The following KHDRBS2 variants were observed in gnomAD, a reference collection of about 807,000 sequenced individuals.
The protein encoded by KHDRBS2 is KH domain-containing, RNA-binding, signal transduction-associated protein 2.
In KHDRBS2, 26 loss-of-function variants were observed where a neutral mutation model predicts 44.3. That is an observed-to-expected ratio of 0.59 (90% CI 0.43 to 0.81). KHDRBS2 has a LOEUF of 0.81. Among genes scored for constraint, KHDRBS2 ranks in the 40% least tolerant of loss-of-function variants. KHDRBS2 has a pLI of 0.00. For missense variants in KHDRBS2, 476 were observed against 433.1 expected (o/e 1.10, Z -0.88); for synonymous variants, 194 against 151.1 (o/e 1.28, Z -2.08).
chr6:62,035,295 A>G (rs1203869819), intron 3 of KHDRBS2, among the ~76,000 whole-genome samples: 2 of 152,022 alleles, frequency 1.3e-5, no homozygotes. Flanking sequence ...TACACAATGG[A>G]GTACTATTCA....
At chr6:62,269,071 C>T (rs2150187049) in intron 1 of KHDRBS2, among the ~76,000 whole-genome samples, 1 of 152,048 alleles carries the variant, frequency 6.6e-6, no homozygotes, top group Non-Finnish European at 1.5e-5. Flanking sequence ...AATACTTTGA[C>T]TATCTTGACA....
intron 2 of KHDRBS2, among the ~76,000 whole-genome samples, chr6:62,152,457 A>G (rs1407757937): frequency 6.6e-6 from 1 of 152,214 alleles, no homozygotes; most frequent in African/African-American, 2.4e-5. Context: ...GCACATTAAG[A>G]CAAATGGGAT....
intron 1 of KHDRBS2, among the ~76,000 whole-genome samples, chr6:62,192,191 AT>A (rs1395040342): frequency 6.6e-6 from 1 of 152,050 alleles, no homozygotes; most frequent in African/African-American, 2.4e-5. Flanking sequence ...AATAAATCTG[AT>A]TTTTTAAATG....
At chr6:61,604,623 C>T in the KHDRBS2 span, among the ~76,000 whole-genome samples, 3 of 152,196 alleles carry the variant, frequency 2.0e-5, no homozygotes, top group African/African-American at 7.2e-5. Context: ...AAGGAAATCA[C>T]TTCTCAGTGT....
chr6:61,561,419 C>A, the KHDRBS2 span, among the ~76,000 whole-genome samples: 17 of 152,170 alleles, frequency 1.1e-4, no homozygotes, highest in Admixed American at 5.2e-4. Flanking sequence ...ATCAGTAGGT[C>A]CTTCTACGAA....
intron 8 of KHDRBS2, among the ~76,000 whole-genome samples, chr6:61,682,583 C>A (rs1322871022): frequency 2.0e-5 from 3 of 151,790 alleles, no homozygotes; most frequent in African/African-American, 7.3e-5. Context: ...TTGCTGCTTT[C>A]ACGATACAAA....
chr6:61,577,521 TTA>T, the KHDRBS2 span, among the ~76,000 whole-genome samples: 1 of 152,152 alleles, frequency 6.6e-6, no homozygotes, highest in Non-Finnish European at 1.5e-5. Context: ...AAAGAAAATA[TTA>T]ATATGTTGCT....
the KHDRBS2 span, among the ~76,000 whole-genome samples, chr6:61,642,179 G>A: frequency 4.6e-5 from 7 of 151,940 alleles, no homozygotes; most frequent in South Asian, 4.2e-4. Flanking sequence ...TCTTTGTTTC[G>A]TATAGTGAAA....
At chr6:62,211,932 T>A (rs1369122993) in intron 1 of KHDRBS2, among the ~76,000 whole-genome samples, 2 of 152,192 alleles carry the variant, frequency 1.3e-5, no homozygotes, top group Non-Finnish European at 1.5e-5. Context: ...GTAGACTGGA[T>A]AAAGAAAATG....
intron 1 of KHDRBS2, among the ~76,000 whole-genome samples, chr6:62,260,387 T>C (rs1256528614): frequency 2.0e-5 from 3 of 151,994 alleles, no homozygotes; most frequent in African/African-American, 4.8e-5. Context: ...CTTAGTTCTA[T>C]TACCAAAATC....
chr6:62,231,496 A>C (rs1423697508), intron 1 of KHDRBS2, among the ~76,000 whole-genome samples: 2 of 152,136 alleles, frequency 1.3e-5, no homozygotes, highest in Non-Finnish European at 2.9e-5. Flanking sequence ...TGGGGATTAG[A>C]GGTCCTTTCC....
At position 62,285,995 on chromosome 6, in the gene KHDRBS2, G is replaced by T. The variant is rs188430175; in HGVS notation, c.-47C>A. The T allele has an allele frequency of 1.7e-4, 203 of 1,220,074 alleles. 1 individual carries two copies. The African/African-American group carries it at 2.5e-3, about 15-fold the overall frequency. 75.6% of individuals were successfully genotyped at this position (1,220,074 alleles called of 1,614,324 possible). On this transcript the variant is annotated 5_prime_UTR_variant, in exon 1 of 9. Transcript: ENST00000281156. The stretch of plus-strand genomic sequence containing the variant: ...CCGGGCGAAGCGCGAGGTTCCGCTC[G>T]CTCGGACGCAGGCAGGGTCTTGGGG...
At chr6:61,765,543 G>A (rs1448038958) in intron 6 of KHDRBS2, among the ~76,000 whole-genome samples, 1 of 151,928 alleles carries the variant, frequency 6.6e-6, no homozygotes, top group Non-Finnish European at 1.5e-5. Flanking sequence ...GTACATAATA[G>A]GCATGTATAT....
intron 3 of KHDRBS2, among the ~76,000 whole-genome samples, chr6:62,027,707 T>G (rs1359075035): frequency 6.6e-6 from 1 of 152,102 alleles, no homozygotes; most frequent in Non-Finnish European, 1.5e-5. Context: ...GCAGCCGCCA[T>G]AATAACCCAA....
intron 6 of KHDRBS2, among the ~76,000 whole-genome samples, chr6:61,776,399 A>C (rs1310150110): frequency 6.6e-6 from 1 of 152,194 alleles, no homozygotes; most frequent in South Asian, 2.1e-4. Flanking sequence ...TCATCTGACA[A>C]AGGGCTAATA....
chr6:61,945,005 G>A (rs958337796), intron 4 of KHDRBS2, among the ~76,000 whole-genome samples: 1 of 148,704 alleles, frequency 6.7e-6, no homozygotes, highest in Non-Finnish European at 1.5e-5. Context: ...GTAGGAGAAT[G>A]TCTCCAATCT....
intron 6 of KHDRBS2, among the ~76,000 whole-genome samples, chr6:61,827,315 G>T (rs946797928): frequency 6.6e-6 from 1 of 152,150 alleles, no homozygotes. Flanking sequence ...GTGATCCCCC[G>T]ACTAACTTTG....
At chr6:62,120,052 G>C (rs1332456009) in intron 2 of KHDRBS2, among the ~76,000 whole-genome samples, 1 of 152,206 alleles carries the variant, frequency 6.6e-6, no homozygotes, top group Non-Finnish European at 1.5e-5. Context: ...AATGGTGAAA[G>C]AAATGAAAAG....
chr6:61,945,112 A>ATATATAT (rs1491476068), intron 4 of KHDRBS2, among the ~76,000 whole-genome samples: 1 of 48,416 alleles, frequency 2.1e-5, no homozygotes, highest in Non-Finnish European at 3.6e-5. Flanking sequence ...AAAAAAAAAA[A>ATATATAT]GTATATATAT....
Sources: gnomAD v4.1 joint callset for allele counts (sites outside exome capture counted in the v4.1 genomes callset) on GRCh38, gnomAD v4.1.1 for gene constraint, MANE v1.5 for transcripts, NCBI Gene and HGNC (gene_info 2026-07-23, HGNC 2026-07-21) for gene names.